The following USO1 variants were observed in gnomAD, a reference collection of about 807,000 sequenced individuals.
USO1 encodes USO1 vesicle transport factor, also known as general vesicular transport factor p115.
USO1 carries 57 observed loss-of-function variants against 124.5 expected under a neutral mutation model. The ratio of observed to expected loss-of-function variants is 0.46; its 90% CI spans 0.37 to 0.57. The LOEUF is 0.57. Ranked by LOEUF, USO1 falls within the 20% of genes least tolerant of loss-of-function variation. The pLI is 0.00. For synonymous variants in USO1, 369 were observed against 362.8 expected (o/e 1.02, Z -0.19); for missense variants, 900 against 1,040.6 (o/e 0.86, Z 1.86).
chr4:75,734,477 C>G (rs1268691887), intron 1 of USO1, among the ~76,000 whole-genome samples: 3 of 151,990 alleles, frequency 2.0e-5, no homozygotes, highest in Admixed American at 6.6e-5. Context: ...GGTTCTCTAT[C>G]CTGTTCCATT....
chr4:75,733,032 G>T (rs1364267233), intron 1 of USO1, among the ~76,000 whole-genome samples: 1 of 151,376 alleles, frequency 6.6e-6, no homozygotes, highest in Non-Finnish European at 1.5e-5. Flanking sequence ...AGGCCGAGGC[G>T]GGCAGATTAC....
chr4:75,810,612 C>G lies in USO1; in HGVS notation c.2583+73C>G. 2.8e-6 allele frequency: 4 copies of G among 1,420,544 alleles called. No homozygotes were observed. In the East Asian group the frequency reaches 7.8e-5, roughly 28 times the overall value. 88.0% of individuals were successfully genotyped at this position (1,420,544 alleles called of 1,614,324 possible). ...ACTCTAGGAAATTTTATATATCTTT[C>G]AAATTCTTAGATTTATGAAGAAAGC... On this transcript the variant is annotated intron_variant, in intron 22 of 23. Transcript: ENST00000514213.
At chr4:75,783,690 G>GT (rs1722284066) in intron 9 of USO1, among the ~76,000 whole-genome samples, 1 of 152,108 alleles carries the variant, frequency 6.6e-6, no homozygotes, top group African/African-American at 2.4e-5. Flanking sequence ...CATGGGAGTT[G>GT]CCTGCATAGG....
intron 12 of USO1, among the ~76,000 whole-genome samples, chr4:75,791,952 C>T (rs935955590): frequency 6.6e-6 from 1 of 151,120 alleles, no homozygotes; most frequent in Non-Finnish European, 1.5e-5. Context: ...GGAATGTTAC[C>T]ATCATCAGTT....
chr4:75,782,578 G>A, intron 8 of USO1, 102 bp from the exon 9 acceptor site: 1 of 1,418,960 alleles, frequency 7.0e-7, no homozygotes, highest in Non-Finnish European at 9.3e-7. Flanking sequence ...TGGCCATATT[G>A]AAGAGATGCT....
chr4:75,774,559 TA>T, intron 7 of USO1, 116 bp from the exon 8 acceptor site: 1 of 1,215,248 alleles, frequency 8.2e-7, no homozygotes, highest in Non-Finnish European at 1.1e-6. Context: ...ATGTATAAAG[TA>T]AAGGAGTTGG....
At position 75,751,828 on chromosome 4, in the gene USO1, G is replaced by A. The variant is rs932131253; in HGVS notation, c.67-545G>A. 5.9e-3 allele frequency among the ~76,000 whole-genome samples: 899 copies of A among 151,150 alleles called. 15 individuals are homozygous for A. The highest frequency in any genetic ancestry group is 0.02 in the African/African-American group (810 of 41,258). ...GCCTGGGGGACAAGAGCGAGACTTC[G>A]TCTCAAAAAAAAAAATTTTTTTTTT... On this transcript the variant is annotated intron_variant, in intron 1 of 23. Transcript: ENST00000514213.
chr4:75,748,191 ATCGTGCC>A (rs1721186973), intron 1 of USO1, among the ~76,000 whole-genome samples: 1 of 147,896 alleles, frequency 6.8e-6, no homozygotes, highest in Admixed American at 6.8e-5. Context: ...GGCGTGAGCC[ATCGTGCC>A]CAGCTGGTAT....
At chr4:75,799,059 C>T (rs1229684631) in intron 13 of USO1, among the ~76,000 whole-genome samples, 1 of 152,086 alleles carries the variant, frequency 6.6e-6, no homozygotes, top group African/African-American at 2.4e-5. Context: ...TTTGTGATTT[C>T]TCATCTGGTG....
intron 7 of USO1, among the ~76,000 whole-genome samples, chr4:75,772,414 T>C (rs1721957876): frequency 6.6e-6 from 1 of 152,050 alleles, no homozygotes; most frequent in Non-Finnish European, 1.5e-5. Flanking sequence ...TTTTTTTGTA[T>C]TTTTAGTAGA....
At chr4:75,805,429 A>T in intron 19 of USO1, 126 bp downstream of exon 19, 2 of 1,335,330 alleles carry the variant, frequency 1.5e-6, no homozygotes, top group Non-Finnish European at 9.8e-7. Context: ...AGGATGGGCC[A>T]GGCACAGTGG....
intron 4 of USO1, among the ~76,000 whole-genome samples, chr4:75,760,871 G>A (rs1721586604): frequency 6.6e-6 from 1 of 152,152 alleles, no homozygotes; most frequent in Non-Finnish European, 1.5e-5. Flanking sequence ...TTCTGGCCAG[G>A]CGTGGTGGCT....
chr4:75,804,014 G>T, intron 17 of USO1, 120 bp from the exon 18 acceptor site: 2 of 1,273,224 alleles, frequency 1.6e-6, no homozygotes, highest in Non-Finnish European at 2.1e-6. Context: ...GAACGATTTT[G>T]GAAGTGTTAA....
At chr4:75,737,363 A>T (rs910444740) in intron 1 of USO1, among the ~76,000 whole-genome samples, 2 of 152,250 alleles carry the variant, frequency 1.3e-5, no homozygotes, top group African/African-American at 4.8e-5. Context: ...GCACATTAGC[A>T]TGTAAACCTC....
chr4:75,724,735 T>G lies in USO1; in HGVS notation c.-85T>G. Reference sequence around the variant, plus strand: ...AGTAGGAGTGTGTAGAGTGCGGGATTGGGGCCCAGGCCCTGCGGAGGGCGG... The same window carrying G: ...AGTAGGAGTGTGTAGAGTGCGGGATGGGGGCCCAGGCCCTGCGGAGGGCGG... On this transcript the variant is annotated 5_prime_UTR_variant, in exon 1 of 24. It adds an upstream start codon to the 5' untranslated region. Coordinates refer to ENST00000514213, the MANE Select transcript of USO1 (RefSeq NM_003715.4). 1 of 1,429,718 alleles carries G rather than the reference T, an allele frequency of 7.0e-7. No individual in the cohort carries two copies. The highest frequency in any genetic ancestry group is 9.7e-7 in the Non-Finnish European group (1 of 1,031,272). 88.6% of individuals were successfully genotyped at this position (1,429,718 alleles called of 1,614,324 possible).
At chr4:75,774,918 C>A in intron 8 of USO1, 122 bp downstream of exon 8, 1 of 1,356,084 alleles carries the variant, frequency 7.4e-7, no homozygotes, top group Non-Finnish European at 9.7e-7. Flanking sequence ...TTTTCTTTCA[C>A]TATGGCATGT....
chr4:75,731,811 C>T (rs1366230973), intron 1 of USO1, among the ~76,000 whole-genome samples: 1 of 151,928 alleles, frequency 6.6e-6, no homozygotes, highest in Non-Finnish European at 1.5e-5. Flanking sequence ...AATTGCCATT[C>T]CTGTTCTTTA....
chr4:75,809,833 G>A (rs1723094097), intron 21 of USO1, among the ~76,000 whole-genome samples: 1 of 152,106 alleles, frequency 6.6e-6, no homozygotes, highest in South Asian at 2.1e-4. Context: ...TCTCATCAAG[G>A]TAATGCAGGC....
chr4:75,743,570 G>A (rs1490309169), intron 1 of USO1, among the ~76,000 whole-genome samples: 1 of 152,008 alleles, frequency 6.6e-6, no homozygotes, highest in Non-Finnish European at 1.5e-5. Context: ...CATTAGAATA[G>A]GTACCTTCTG....
Sources: allele counts gnomAD v4.1 joint callset (sites outside exome capture counted in the v4.1 genomes callset), GRCh38; gene constraint gnomAD v4.1.1; transcripts MANE v1.5; gene names NCBI Gene and HGNC (gene_info 2026-07-23, HGNC 2026-07-21).